SLCO1B1: variants seen among roughly 807,000 people sequenced by gnomAD.
SLCO1B1 encodes the protein solute carrier organic anion transporter family member 1B1, also known as OATP-2.
SLCO1B1 carries 81 observed loss-of-function variants against 70.1 expected under a neutral mutation model. The observed-to-expected ratio is 1.16, with a 90% CI of 0.97 to 1.39. The LOEUF (loss-of-function observed/expected upper bound fraction) is 1.39, where lower values mean the gene tolerates loss of function less well. SLCO1B1 is among the 40% of genes most tolerant of loss of function. SLCO1B1 has a pLI of 0.00. For missense variants in SLCO1B1, 895 were observed against 799.6 expected (o/e 1.12, Z -1.44); for synonymous variants, 283 against 271.5 (o/e 1.04, Z -0.42).
intron 2 of SLCO1B1, among the ~76,000 whole-genome samples, chr12:21,146,171 T>A (rs745796989): frequency 1.3e-5 from 2 of 152,126 alleles, no homozygotes; most frequent in African/African-American, 4.8e-5. Context: ...TTGTACAAAA[T>A]TGGGTAGATC....
intron 7 of SLCO1B1, among the ~76,000 whole-genome samples, chr12:21,195,289 A>G (rs951523122): frequency 7.2e-5 from 11 of 152,172 alleles, no homozygotes; most frequent in African/African-American, 2.7e-4. Flanking sequence ...GTAGGGTCTC[A>G]TGAGCACTTT....
chr12:21,199,390 AC>A, intron 8 of SLCO1B1, among the ~76,000 whole-genome samples: 1 of 152,266 alleles, frequency 6.6e-6, no homozygotes, highest in South Asian at 2.1e-4. Flanking sequence ...CATAATTTCT[AC>A]CATGAACAGA....
chr12:21,153,342 CTTGA>C (rs1199376682), intron 2 of SLCO1B1, among the ~76,000 whole-genome samples: 5 of 152,016 alleles, frequency 3.3e-5, no homozygotes, highest in African/African-American at 1.2e-4. Context: ...ATTGTGATTG[CTTGA>C]TTAATATACA....
At chr12:21,161,954 G>C (rs1285486784) in intron 2 of SLCO1B1, among the ~76,000 whole-genome samples, 1 of 151,852 alleles carries the variant, frequency 6.6e-6, no homozygotes, top group African/African-American at 2.4e-5. Flanking sequence ...GTTGCAGTGA[G>C]CCGAGATCAC....
rs146860321 is a variant in SLCO1B1, at chr12:21,228,725, C to T, written c.1865+3886C>T. ...GGTGGCCTCTAGAAGTGAGAAAAAG[C>T]GAAGGAACAGCTTATTTCCTGGAGG... On this transcript the variant is annotated intron_variant, in intron 14 of 14. Coordinates refer to ENST00000256958, the MANE Select transcript of SLCO1B1 (RefSeq NM_006446.5). 6.8e-4 allele frequency among the ~76,000 whole-genome samples: 104 copies of T among 152,234 alleles called. 1 individual carries two copies. In the East Asian group the frequency reaches 0.013, roughly 20 times the overall value.
chr12:21,151,643 T>C (rs887010608), intron 2 of SLCO1B1, among the ~76,000 whole-genome samples: 6 of 152,192 alleles, frequency 3.9e-5, no homozygotes, highest in Non-Finnish European at 7.4e-5. Flanking sequence ...TGATTTATAT[T>C]ATTTTATCTT....
At chr12:21,199,203 T>C (rs1441936929) in intron 8 of SLCO1B1, among the ~76,000 whole-genome samples, 1 of 152,148 alleles carries the variant, frequency 6.6e-6, no homozygotes, top group African/African-American at 2.4e-5. Context: ...CTAATGAAAA[T>C]CTTTAGAGAT....
chr12:21,152,928 C>T lies in SLCO1B1; in HGVS notation c.84+11270C>T, dbSNP rs542070724. On this transcript the variant is annotated intron_variant, in intron 2 of 14. Transcript: ENST00000256958. ...GGAAAACTCAAAATGTGGAGGTCAC[C>T]GACTGGGTTCCCTTGGAGTGTTTAG... Among the ~76,000 whole-genome samples the T allele has an allele frequency of 4.6e-5, 7 of 152,218 alleles. No individual in the cohort carries two copies. In the South Asian group the frequency reaches 8.3e-4, roughly 18 times the overall value.
intron 1 of SLCO1B1, among the ~76,000 whole-genome samples, chr12:21,134,294 C>CT (rs537993560): frequency 8.4e-4 from 128 of 152,184 alleles, no homozygotes; most frequent in Middle Eastern, 3.4e-3. Context: ...CTAAAATTCT[C>CT]TTTTTTTGTT....
intron 7 of SLCO1B1, among the ~76,000 whole-genome samples, chr12:21,184,626 G>A (rs1370734365): frequency 1.3e-5 from 2 of 152,050 alleles, no homozygotes; most frequent in Non-Finnish European, 2.9e-5. Context: ...TGCTAAACAT[G>A]GAAACAAAAG....
At chr12:21,170,969 G>A (rs1940749425) in intron 2 of SLCO1B1, among the ~76,000 whole-genome samples, 1 of 152,146 alleles carries the variant, frequency 6.6e-6, no homozygotes, top group African/African-American at 2.4e-5. Flanking sequence ...AAGCATCTTT[G>A]TGACAGACAC....
At chr12:21,182,832 GA>G (rs778902992) in intron 7 of SLCO1B1, among the ~76,000 whole-genome samples, 4 of 152,152 alleles carry the variant, frequency 2.6e-5, no homozygotes, top group Non-Finnish European at 5.9e-5. Flanking sequence ...AGAACACTGA[GA>G]GGGGTGAGAT....
chr12:21,218,881 T>C (rs745332623), intron 12 of SLCO1B1, among the ~76,000 whole-genome samples: 2 of 152,214 alleles, frequency 1.3e-5, no homozygotes, highest in South Asian at 2.1e-4. Flanking sequence ...TTTGTGAATA[T>C]GACTACAGAA....
intron 2 of SLCO1B1, among the ~76,000 whole-genome samples, chr12:21,148,810 G>T (rs1343254791): frequency 6.8e-6 from 1 of 147,560 alleles, no homozygotes; most frequent in Non-Finnish European, 1.5e-5. Context: ...AAATTACTTT[G>T]GGCAGTATGG....
At position 21,178,718 on chromosome 12, in the gene SLCO1B1, T is replaced by C. The variant is rs760395666; in HGVS notation, c.624T>C (p.Tyr208=). Residue 208 remains tyrosine (Y), a synonymous_variant, in exon 6 of 15, where the codon TAT becomes TAC. Coordinates refer to ENST00000256958, the MANE Select transcript of SLCO1B1 (RefSeq NM_006446.5). ...DFAKEGHSSL[Y]LGILNAIAMI... ...CTAAAGAAGGACATTCTTCTTTGTA[T>C]TTAGGTAATGTACACAAAATATTAA... 7.5e-6 allele frequency: 12 copies of C among 1,601,488 alleles called. No individual in the cohort carries two copies. Among genetic ancestry groups the C allele is most frequent in the Middle Eastern group, 1.7e-4 (1 of 6,040 alleles).
intron 10 of SLCO1B1, among the ~76,000 whole-genome samples, chr12:21,203,376 A>C: frequency 6.6e-6 from 1 of 152,016 alleles, no homozygotes; most frequent in East Asian, 1.9e-4. Context: ...CCTCAAATCA[A>C]GGGCAAGAAT....
intron 8 of SLCO1B1, among the ~76,000 whole-genome samples, chr12:21,199,031 T>A (rs1475230012): frequency 1.3e-5 from 2 of 152,118 alleles, no homozygotes; most frequent in Non-Finnish European, 2.9e-5. Flanking sequence ...TGTGGCACTT[T>A]TGCCCAAGAA....
At chr12:21,158,387 T>C (rs965235515) in intron 2 of SLCO1B1, among the ~76,000 whole-genome samples, 8 of 152,260 alleles carry the variant, frequency 5.3e-5, no homozygotes, top group African/African-American at 1.7e-4. Flanking sequence ...CAAAATGTAT[T>C]TTTCAAAGGT....
chr12:21,208,078 C>A, intron 11 of SLCO1B1, among the ~76,000 whole-genome samples: 1 of 151,854 alleles, frequency 6.6e-6, no homozygotes, highest in Non-Finnish European at 1.5e-5. Context: ...AAGGTTTTCT[C>A]CCATTCCATA....
Sources: gnomAD v4.1 joint callset for allele counts (sites outside exome capture counted in the v4.1 genomes callset) on GRCh38, gnomAD v4.1.1 for gene constraint, MANE v1.5 for transcripts, NCBI Gene and HGNC (gene_info 2026-07-23, HGNC 2026-07-21) for gene names.